Variants in CEP135 observed in about 807,000 individuals in gnomAD.
CEP135 encodes the protein centrosomal protein of 135 kDa.
In CEP135, 142 loss-of-function variants were observed where a neutral mutation model predicts 157.3. The ratio of observed to expected loss-of-function variants is 0.90; its 90% CI spans 0.79 to 1.04. The LOEUF (loss-of-function observed/expected upper bound fraction) is 1.04, where lower values mean the gene tolerates loss of function less well. CEP135 is among the 50% of genes least tolerant of loss of function. The probability of loss-of-function intolerance (pLI) is 0.00; values close to 1 mark genes in which losing one functional copy is unlikely to be tolerated. For missense variants in CEP135, 1,317 were observed against 1,309.2 expected (o/e 1.01, Z -0.09); for synonymous variants, 396 against 439.8 (o/e 0.90, Z 1.25).
intron 6 of CEP135, among the ~76,000 whole-genome samples, chr4:55,961,233 C>T (rs1560399129): frequency 6.6e-6 from 1 of 151,958 alleles, no homozygotes; most frequent in East Asian, 1.9e-4. Flanking sequence ...ATTACACTTT[C>T]ATTTTTTTCA....
chr4:56,020,453 T>G (rs1382347453), intron 23 of CEP135, among the ~76,000 whole-genome samples: 1 of 152,222 alleles, frequency 6.6e-6, no homozygotes, highest in Non-Finnish European at 1.5e-5. Context: ...CGTTCAAATT[T>G]GTATCCCTAG....
intron 14 of CEP135, among the ~76,000 whole-genome samples, chr4:55,986,615 C>G (rs1376514950): frequency 3.3e-5 from 5 of 152,110 alleles, no homozygotes; most frequent in Non-Finnish European, 7.4e-5. Context: ...ATTACTCTCT[C>G]TGGAGATAGG....
chr4:55,972,673 A>G (rs1013418247), intron 10 of CEP135, among the ~76,000 whole-genome samples: 9 of 152,212 alleles, frequency 5.9e-5, no homozygotes, highest in African/African-American at 2.2e-4. Flanking sequence ...GATGACACCT[A>G]CCCTGAAAAG....
rs145094902 is a variant in CEP135 at position 56,018,358 on chromosome 4, G to A, written c.3012+501G>A. Among the ~76,000 whole-genome samples the A allele has an allele frequency of 4.2e-3, 645 of 152,262 alleles. 7 individuals carry two copies. Among genetic ancestry groups the A allele is most frequent in the African/African-American group, 0.015 (613 of 41,556 alleles). The stretch of plus-strand genomic sequence containing the variant: ...TCTTTGCAAGATTTCTCAGGCAAAC[G>A]TAGTGATGAAAGTGGGTAATGTTTT... On this transcript the variant is annotated intron_variant, in intron 22 of 25. Transcript: ENST00000257287.
intron 24 of CEP135, among the ~76,000 whole-genome samples, chr4:56,023,441 G>A (rs970958368): frequency 6.6e-5 from 10 of 151,694 alleles, no homozygotes; most frequent in Non-Finnish European, 1.3e-4. Flanking sequence ...AAACAGGTTT[G>A]TTATAATTTT....
Position 55,980,772 on chromosome 4 carries a change from A to C in CEP135, c.1627-455A>C, listed in dbSNP as rs983332920. 5.3e-5 allele frequency among the ~76,000 whole-genome samples: 8 copies of C among 152,332 alleles called. No individual in the cohort carries two copies. In the East Asian group the frequency reaches 1.5e-3, roughly 29 times the overall value. On this transcript the variant is annotated intron_variant, in intron 12 of 25. Transcript: ENST00000257287. ...TAGAGGGCAAGGTAAGTCTGAGCAA[A>C]GCATGGTGTCTGTCACCTAAATTTG...
intron 3 of CEP135, among the ~76,000 whole-genome samples, chr4:55,953,479 A>C (rs923420087): frequency 6.6e-6 from 1 of 152,122 alleles, no homozygotes; most frequent in Non-Finnish European, 1.5e-5. Context: ...CAGCCTAGGC[A>C]ACATAGTGAG....
At chr4:55,958,172 G>A (rs1338067989) in intron 5 of CEP135, among the ~76,000 whole-genome samples, 1 of 152,138 alleles carries the variant, frequency 6.6e-6, no homozygotes, top group African/African-American at 2.4e-5. Context: ...AGTGGATCAC[G>A]CCTGTTAATC....
At chr4:56,019,757 G>A (rs924861392) in intron 23 of CEP135, among the ~76,000 whole-genome samples, 16 of 151,228 alleles carry the variant, frequency 1.1e-4, no homozygotes, top group Non-Finnish European at 1.8e-4. Flanking sequence ...GCAAGATGGC[G>A]AAACCCCGTC....
At chr4:56,006,795 TC>T (rs1447459598) in intron 17 of CEP135, among the ~76,000 whole-genome samples, 1 of 152,196 alleles carries the variant, frequency 6.6e-6, no homozygotes, top group Non-Finnish European at 1.5e-5. Context: ...GAGTTCATGG[TC>T]CCCTGTTTGC....
At chr4:56,003,711 TTTTTG>T (rs1039669201) in intron 17 of CEP135, among the ~76,000 whole-genome samples, 1 of 151,876 alleles carries the variant, frequency 6.6e-6, no homozygotes, top group African/African-American at 2.4e-5. Flanking sequence ...TTGAAATCTT[TTTTTG>T]TTTTGTTTTT....
intron 15 of CEP135, among the ~76,000 whole-genome samples, chr4:55,995,776 A>T (rs1298417016): frequency 6.6e-6 from 1 of 152,208 alleles, no homozygotes; most frequent in East Asian, 1.9e-4. Context: ...AATTGTTTCC[A>T]GCCCAGTTAG....
At chr4:56,020,525 G>A in intron 23 of CEP135, 151 bp from the exon 24 acceptor site, 1 of 629,608 alleles carries the variant, frequency 1.6e-6, no homozygotes. Flanking sequence ...TAAACTAAAT[G>A]AATGAAAAAG....
At chr4:56,009,967 C>A in intron 19 of CEP135, 64 bp downstream of exon 19, 1 of 1,446,700 alleles carries the variant, frequency 6.9e-7, no homozygotes, top group Non-Finnish European at 9.5e-7. Context: ...AATATTAAAG[C>A]TCTAAATATT....
chr4:55,956,459 A>T (rs1002986118), intron 4 of CEP135, among the ~76,000 whole-genome samples: 1 of 152,210 alleles, frequency 6.6e-6, no homozygotes, highest in Admixed American at 6.5e-5. Flanking sequence ...TATATTATAG[A>T]TGACATTCCA....
chr4:56,014,127 G>A (rs531952008), intron 21 of CEP135, among the ~76,000 whole-genome samples: 15 of 152,196 alleles, frequency 9.9e-5, no homozygotes, highest in Admixed American at 7.2e-4. Flanking sequence ...TGGACTTCCA[G>A]CTTACCGAAT....
intron 14 of CEP135, among the ~76,000 whole-genome samples, chr4:55,991,311 T>A (rs974982463): frequency 4.7e-5 from 7 of 149,612 alleles, no homozygotes; most frequent in African/African-American, 1.7e-4. Flanking sequence ...ATTTTTCCTG[T>A]TTTTTTCTTT....
In CEP135 at chr4:55,954,208, A is replaced by G; in HGVS notation, c.305-8A>G. Reference sequence around the variant, plus strand: ...TTAAAACGGTCTTTGAATCTTTTTCATTTTAAGAGTTGAAAACTTCATTGA... The same window carrying G: ...TTAAAACGGTCTTTGAATCTTTTTCGTTTTAAGAGTTGAAAACTTCATTGA... On this transcript the variant is annotated splice_region_variant and splice_polypyrimidine_tract_variant and intron_variant, in intron 3 of 25. Coordinates refer to ENST00000257287, the MANE Select transcript of CEP135 (RefSeq NM_025009.5). 1 of 1,558,724 alleles carries G rather than the reference A, an allele frequency of 6.4e-7. No homozygotes were observed. Among genetic ancestry groups the G allele is most frequent in the Non-Finnish European group, 8.6e-7 (1 of 1,157,922 alleles).
chr4:55,959,091 G>GA (rs1728597953), intron 5 of CEP135, among the ~76,000 whole-genome samples: 1 of 151,356 alleles, frequency 6.6e-6, no homozygotes, highest in Admixed American at 6.6e-5. Flanking sequence ...TCTCAAAAAA[G>GA]AAAAAAAAGC....
Sources: allele counts gnomAD v4.1 joint callset (sites outside exome capture counted in the v4.1 genomes callset), GRCh38; gene constraint gnomAD v4.1.1; transcripts MANE v1.5; gene names NCBI Gene and HGNC (gene_info 2026-07-23, HGNC 2026-07-21).